The following MAGI3 variants were observed in gnomAD, a reference collection of about 807,000 sequenced individuals.
MAGI3 encodes the protein membrane-associated guanylate kinase, WW and PDZ domain-containing protein 3.
A neutral mutation model predicts 121.8 loss-of-function variants in MAGI3; 43 were observed. That is an observed-to-expected ratio of 0.35 (90% CI 0.28 to 0.46). The LOEUF (loss-of-function observed/expected upper bound fraction) is 0.46, where lower values mean the gene tolerates loss of function less well. Among genes scored for constraint, MAGI3 ranks in the 20% least tolerant of loss-of-function variants. The probability of loss-of-function intolerance (pLI) is 1.00; values close to 1 mark genes in which losing one functional copy is unlikely to be tolerated. For missense variants in MAGI3, 1,547 were observed against 1,797.3 expected, an observed-to-expected ratio of 0.86 and a Z score of 2.52; for synonymous variants, 553 against 639.3, an observed-to-expected ratio of 0.86 and a Z score of 2.04.
intron 2 of MAGI3, among the ~76,000 whole-genome samples, chr1:113,572,601 T>A (rs1354846197): frequency 6.6e-6 from 1 of 152,242 alleles, no homozygotes; most frequent in Non-Finnish European, 1.5e-5. Flanking sequence ...GGAGTTCGAC[T>A]TCTTCCTGGT....
At chr1:113,481,103 A>G (rs1656092192) in intron 1 of MAGI3, among the ~76,000 whole-genome samples, 1 of 152,176 alleles carries the variant, frequency 6.6e-6, no homozygotes, top group Non-Finnish European at 1.5e-5. Flanking sequence ...CTTTTCTAGA[A>G]GCATTCTTTT....
At chr1:113,406,755 TA>T (rs202091147) in intron 1 of MAGI3, among the ~76,000 whole-genome samples, 34 of 146,530 alleles carry the variant, frequency 2.3e-4, no homozygotes, top group African/African-American at 3.5e-4. Context: ...AACAGGTAAA[TA>T]AAAAAAAAAA....
rs536853306 is a variant in MAGI3, at chr1:113,412,163, G to T, written c.316+20814G>T. Among the ~76,000 whole-genome samples the T allele has an allele frequency of 1.2e-4, 18 of 151,916 alleles. No homozygotes were observed. In the South Asian group the frequency reaches 3.1e-3, roughly 26 times the overall value. ...TTGTGATAGTTTGCTGAGAATGATG[G>T]TTTCCAGCTTCATCCATGTCCCTGC... is the stretch of plus-strand genomic sequence containing the variant. On this transcript the variant is annotated intron_variant, in intron 1 of 20. Transcript: ENST00000307546.
chr1:113,568,071 TA>T (rs1189081250), intron 2 of MAGI3, among the ~76,000 whole-genome samples: 1 of 152,068 alleles, frequency 6.6e-6, no homozygotes, highest in African/African-American at 2.4e-5. Context: ...AAGGCAAAAC[TA>T]TACTGACAGT....
At chr1:113,537,130 A>G (rs1659044266) in intron 1 of MAGI3, among the ~76,000 whole-genome samples, 2 of 152,194 alleles carry the variant, frequency 1.3e-5, no homozygotes, top group Non-Finnish European at 2.9e-5. Flanking sequence ...TGATATAGAT[A>G]GCAGATAGCC....
At chr1:113,444,043 AC>A (rs1654047555) in intron 1 of MAGI3, among the ~76,000 whole-genome samples, 1 of 152,254 alleles carries the variant, frequency 6.6e-6, no homozygotes, top group Non-Finnish European at 1.5e-5. Context: ...TCTGGAGTCT[AC>A]TGAAGGCTTT....
rs920398452 is a variant in MAGI3 at position 113,658,412 on chromosome 1, G to A, written c.2630-668G>A. Among the ~76,000 whole-genome samples, 1 of 152,202 alleles carries A rather than the reference G, an allele frequency of 6.6e-6. No individual in the cohort carries two copies. The highest frequency in any genetic ancestry group is 1.5e-5 in the Non-Finnish European group (1 of 68,034). ...ATTTGGTTTAGAATTTGATCCATGA[G>A]TCAAGTAGTCTTAACAGTTAACATT... On this transcript the variant is annotated intron_variant, in intron 15 of 20. Coordinates refer to ENST00000307546, the MANE Select transcript of MAGI3 (RefSeq NM_001142782.2). This position sits in a 1 kb window ranked among gnomAD's most constrained non-coding sequence, Gnocchi z 4.0.
Position 113,671,815 on chromosome 1 carries a change from C to G in MAGI3, c.2897C>G (p.Ala966Gly). The G allele has an allele frequency of 6.2e-7, 1 of 1,614,184 alleles. No homozygotes were observed. Among genetic ancestry groups the G allele is most frequent in the Non-Finnish European group, 8.5e-7 (1 of 1,180,002 alleles). Reference sequence around the variant, plus strand: ...CACAGGCCCATGGGACAGTCACAGGCCAACCACATACCTGGGGACAGGTGG... The same window carrying G: ...CACAGGCCCATGGGACAGTCACAGGGCAACCACATACCTGGGGACAGGTGG... ...LQHRPMGQSQ[A>G]NHIPGDRSAL... The change falls in exon 17 of 21, where the codon GCC becomes GGC. Residue 966 changes from alanine (A) to glycine (G), a missense_variant. By Grantham distance (60) the Ala-to-Gly change is moderately conservative. Coordinates refer to ENST00000307546, the MANE Select transcript of MAGI3 (RefSeq NM_001142782.2).
At chr1:113,513,263 T>C (rs541208738) in intron 1 of MAGI3, among the ~76,000 whole-genome samples, 1 of 152,158 alleles carries the variant, frequency 6.6e-6, no homozygotes, top group Admixed American at 6.5e-5. Context: ...CTTCACAGAA[T>C]TGGAAAAAAC....
intron 19 of MAGI3, among the ~76,000 whole-genome samples, chr1:113,676,763 G>A (rs1571038093): frequency 1.3e-5 from 2 of 151,988 alleles, no homozygotes; most frequent in African/African-American, 4.8e-5. Flanking sequence ...TGCCTCCCCC[G>A]CTTGCCTCTC....
At chr1:113,618,508 T>G (rs766864580) in intron 7 of MAGI3, 1 of 450,816 alleles carries the variant, frequency 2.2e-6, no homozygotes, top group Non-Finnish European at 4.4e-6. Context: ...TTTATTTTTA[T>G]TTTTTATTTT....
intron 1 of MAGI3, among the ~76,000 whole-genome samples, chr1:113,472,513 T>C (rs1655590051): frequency 6.6e-6 from 1 of 152,202 alleles, no homozygotes; most frequent in African/African-American, 2.4e-5. Context: ...GGTAAGTACT[T>C]ACCATTGCTG....
intron 1 of MAGI3, among the ~76,000 whole-genome samples, chr1:113,405,526 G>A (rs1222082983): frequency 6.9e-6 from 1 of 144,304 alleles, no homozygotes; most frequent in Non-Finnish European, 1.5e-5. Flanking sequence ...CTTGAGGAAT[G>A]CCACTTATAA....
rs141759082 is a variant in MAGI3, at chr1:113,520,233, G to C, written c.317-29282G>C. 4.0e-5 allele frequency among the ~76,000 whole-genome samples: 6 copies of C among 151,704 alleles called. No homozygotes were observed. In the East Asian group the frequency reaches 1.2e-3, roughly 29 times the overall value. On this transcript the variant is annotated intron_variant, in intron 1 of 20. Transcript: ENST00000307546. ...GTTACAAAATGATCACAATAGGAAT[G>C]AATATATTGAGACTTTTTTTTTTTA... is the stretch of plus-strand genomic sequence containing the variant.
At chr1:113,526,322 G>A (rs972921793) in intron 1 of MAGI3, among the ~76,000 whole-genome samples, 1 of 152,162 alleles carries the variant, frequency 6.6e-6, no homozygotes, top group African/African-American at 2.4e-5. Context: ...TTAGAACTGG[G>A]AGATTAGAGA....
At chr1:113,657,655 A>G (rs1309371834) in intron 15 of MAGI3, among the ~76,000 whole-genome samples, 1 of 152,234 alleles carries the variant, frequency 6.6e-6, no homozygotes, top group African/African-American at 2.4e-5. Context: ...GAAGGTCACC[A>G]CAGGGCCACC....
chr1:113,683,308 C>A lies in MAGI3; in HGVS notation c.3740C>A (p.Pro1247His). The A allele has an allele frequency of 6.2e-7, 1 of 1,612,804 alleles. No homozygotes were observed. The highest frequency in any genetic ancestry group is 1.1e-5 in the South Asian group (1 of 90,868). The change falls in exon 21 of 21, where the codon CCC becomes CAC. Residue 1247 changes from proline (P) to histidine (H), a missense_variant. By Grantham distance (77) the Pro-to-His change is moderately conservative. Coordinates refer to ENST00000307546, the MANE Select transcript of MAGI3 (RefSeq NM_001142782.2). ...DKIPSPLKNN[P>H]KRRPRDQSLS... ...ATTCCTAGTCCTCTAAAAAATAACCCCAAAAGAAGACCCAGAGATCAATCC... is the reference window on the plus strand; with the variant it reads ...ATTCCTAGTCCTCTAAAAAATAACCACAAAAGAAGACCCAGAGATCAATCC...
chr1:113,394,395 CTGT>C (rs1373229201), intron 1 of MAGI3, among the ~76,000 whole-genome samples: 1 of 152,068 alleles, frequency 6.6e-6, no homozygotes, highest in Non-Finnish European at 1.5e-5. Context: ...AATTATGACC[CTGT>C]TGTTTATTTT....
intron 16 of MAGI3, among the ~76,000 whole-genome samples, chr1:113,665,769 A>C (rs1654014337): frequency 6.6e-6 from 1 of 152,080 alleles, no homozygotes. Flanking sequence ...GGTGAGTCTC[A>C]ATAGATTATA....
Sources: allele counts gnomAD v4.1 joint callset (sites outside exome capture counted in the v4.1 genomes callset), GRCh38; gene constraint gnomAD v4.1.1; non-coding constraint Gnocchi (gnomAD v3.1); transcripts MANE v1.5; gene names NCBI Gene and HGNC (gene_info 2026-07-23, HGNC 2026-07-21).